Variants in BBOX1 observed in about 807,000 individuals in gnomAD.
BBOX1 encodes gamma-butyrobetaine hydroxylase 1.
In BBOX1, 35 loss-of-function variants were observed where a neutral mutation model predicts 41.6. The ratio of observed to expected loss-of-function variants is 0.84; its 90% CI spans 0.64 to 1.11. The LOEUF (loss-of-function observed/expected upper bound fraction) is 1.11, where lower values mean the gene tolerates loss of function less well. Ranked by LOEUF, BBOX1 falls within the 50% of genes most tolerant of loss-of-function variation. The probability of loss-of-function intolerance (pLI) is 0.00; values close to 1 mark genes in which losing one functional copy is unlikely to be tolerated. For synonymous variants in BBOX1, 163 were observed against 154.7 expected (o/e 1.05, Z -0.40); for missense variants, 458 against 460.6 (o/e 0.99, Z 0.05).
chr11:27,095,874 A>T (rs1750681305), intron 5 of BBOX1, among the ~76,000 whole-genome samples: 2 of 152,014 alleles, frequency 1.3e-5, no homozygotes, highest in Admixed American at 6.6e-5. Flanking sequence ...AGTCTGGGTA[A>T]CGTAGATTTA....
chr11:27,108,564 T>C (rs1003033311), intron 5 of BBOX1, among the ~76,000 whole-genome samples: 1 of 152,084 alleles, frequency 6.6e-6, no homozygotes, highest in South Asian at 2.1e-4. Context: ...ATGAACTTCA[T>C]AGAGAACATG....
At chr11:27,117,591 G>C (rs1859313146) in intron 6 of BBOX1, among the ~76,000 whole-genome samples, 1 of 151,844 alleles carries the variant, frequency 6.6e-6, no homozygotes, top group Non-Finnish European at 1.5e-5. Flanking sequence ...ATGGAATAAG[G>C]CTTAAAGAAT....
intron 8 of BBOX1, among the ~76,000 whole-genome samples, 160 bp from the exon 9 acceptor site, chr11:27,127,133 T>C (rs576886150): frequency 6.6e-6 from 1 of 152,320 alleles, no homozygotes; most frequent in East Asian, 1.9e-4. Flanking sequence ...TCCAGTGGCC[T>C]GATTTGTGTG....
intron 2 of BBOX1, among the ~76,000 whole-genome samples, chr11:27,054,548 GTC>G (rs1473378413): frequency 1.3e-5 from 2 of 152,094 alleles, no homozygotes; most frequent in Non-Finnish European, 2.9e-5. Flanking sequence ...ATACCACGGT[GTC>G]TCTGTTTCAC....
At chr11:27,075,462 C>T (rs1045926036) in intron 4 of BBOX1, among the ~76,000 whole-genome samples, 1 of 152,090 alleles carries the variant, frequency 6.6e-6, no homozygotes, top group African/African-American at 2.4e-5. Flanking sequence ...TGGGTAAATG[C>T]AACACCCAAT....
intron 7 of BBOX1, among the ~76,000 whole-genome samples, chr11:27,124,177 T>G (rs925517648): frequency 2.6e-5 from 4 of 152,038 alleles, no homozygotes; most frequent in Admixed American, 2.6e-4. Flanking sequence ...CAAACCCAGG[T>G]GTATGTGTGT....
At chr11:27,060,888 A>G (rs998474485) in intron 4 of BBOX1, among the ~76,000 whole-genome samples, 2 of 152,184 alleles carry the variant, frequency 1.3e-5, no homozygotes, top group African/African-American at 4.8e-5. Flanking sequence ...ATGGGTATCC[A>G]GGGAAAGATG....
chr11:27,097,664 C>G (rs1858489361), intron 5 of BBOX1, among the ~76,000 whole-genome samples: 1 of 152,018 alleles, frequency 6.6e-6, no homozygotes. Flanking sequence ...TAACCCCGGA[C>G]TTTTGGCATT....
chr11:27,112,112 A>G (rs1223531350), intron 5 of BBOX1, among the ~76,000 whole-genome samples: 2 of 151,938 alleles, frequency 1.3e-5, no homozygotes, highest in Admixed American at 6.6e-5. Flanking sequence ...GTATGTACTC[A>G]ATGAAGTCCA....
At chr11:27,053,912 G>A (rs1711941634) in intron 2 of BBOX1, among the ~76,000 whole-genome samples, 1 of 151,994 alleles carries the variant, frequency 6.6e-6, no homozygotes, top group Non-Finnish European at 1.5e-5. Flanking sequence ...TGCAATTATT[G>A]GATAACTCTA....
At position 27,109,782 on chromosome 11, in the gene BBOX1, T is replaced by C. The variant is rs907551235; in HGVS notation, c.534-5670T>C. On this transcript the variant is annotated intron_variant, in intron 5 of 8. Coordinates refer to ENST00000263182, the MANE Select transcript of BBOX1 (RefSeq NM_003986.3). ...AATGAACATGAAACACTAGGGAGGT[T>C]TTCCTGGTTGTAGTACATAGTGTAT... 2.2e-4 allele frequency among the ~76,000 whole-genome samples: 33 copies of C among 152,018 alleles called. 1 individual carries two copies. The highest frequency in any genetic ancestry group is 9.6e-5 in the African/African-American group (4 of 41,516).
At chr11:27,100,681 T>C (rs1207748012) in intron 5 of BBOX1, among the ~76,000 whole-genome samples, 4 of 152,232 alleles carry the variant, frequency 2.6e-5, no homozygotes, top group African/African-American at 9.6e-5. Flanking sequence ...TAATATTAAG[T>C]TTCATAGTAA....
At chr11:27,059,118 C>G (rs1296111836) in intron 4 of BBOX1, among the ~76,000 whole-genome samples, 1 of 152,198 alleles carries the variant, frequency 6.6e-6, no homozygotes, top group African/African-American at 2.4e-5. Flanking sequence ...AAGGGCTCCA[C>G]TGCCCTGTGT....
chr11:27,063,432 T>C (rs1329433156), intron 4 of BBOX1, among the ~76,000 whole-genome samples: 1 of 152,170 alleles, frequency 6.6e-6, no homozygotes, highest in Non-Finnish European at 1.5e-5. Flanking sequence ...CATATGAAGC[T>C]AAATATTTGT....
At chr11:27,050,737 G>A (rs1015101173) in intron 2 of BBOX1, among the ~76,000 whole-genome samples, 1 of 151,996 alleles carries the variant, frequency 6.6e-6, no homozygotes, top group Admixed American at 6.6e-5. Flanking sequence ...AGTTTTTTCT[G>A]CAGTCTTTAG....
At position 27,111,513 on chromosome 11, in the gene BBOX1, T is replaced by C. The variant is rs182483734; in HGVS notation, c.534-3939T>C. Among the ~76,000 whole-genome samples, 36 of 152,114 alleles carry C rather than the reference T, an allele frequency of 2.4e-4. 1 individual carries two copies. The highest frequency in any genetic ancestry group is 5.2e-4 in the Non-Finnish European group (35 of 67,920). On this transcript the variant is annotated intron_variant, in intron 5 of 8. Coordinates refer to ENST00000263182, the MANE Select transcript of BBOX1 (RefSeq NM_003986.3). ...AATTAAAAGCTGAAATTATTTTTTA[T>C]TACCATTTTAAAGTGTAATTAGTTT... is the stretch of plus-strand genomic sequence containing the variant.
chr11:27,067,824 A>G (rs1857336676), intron 4 of BBOX1, among the ~76,000 whole-genome samples: 1 of 152,146 alleles, frequency 6.6e-6, no homozygotes, highest in Admixed American at 6.5e-5. Flanking sequence ...AAGTGAGGAC[A>G]TACAGTATTT....
intron 5 of BBOX1, among the ~76,000 whole-genome samples, chr11:27,110,564 ATC>A (rs1859024069): frequency 6.6e-6 from 1 of 151,798 alleles, no homozygotes; most frequent in Non-Finnish European, 1.5e-5. Context: ...CCTAAAATAC[ATC>A]TCCCAGAAAT....
chr11:27,045,396 C>A (rs1362153055), intron 2 of BBOX1, among the ~76,000 whole-genome samples: 1 of 152,174 alleles, frequency 6.6e-6, no homozygotes, highest in Non-Finnish European at 1.5e-5. Context: ...TTGACTTCTT[C>A]TTTTCCTAAT....
Sources: allele counts gnomAD v4.1 joint callset (sites outside exome capture counted in the v4.1 genomes callset), GRCh38; gene constraint gnomAD v4.1.1; transcripts MANE v1.5; gene names NCBI Gene and HGNC (gene_info 2026-07-23, HGNC 2026-07-21).